HPCAL1: variants seen among roughly 807,000 people sequenced by gnomAD.
HPCAL1 encodes hippocalcin like 1, also known as hippocalcin-like protein 1.
Under a neutral mutation model 17.1 loss-of-function variants are expected in HPCAL1, and 8 were observed. The ratio of observed to expected loss-of-function variants is 0.47; its 90% CI spans 0.27 to 0.84. HPCAL1 has a LOEUF of 0.84. HPCAL1 is among the 40% of genes least tolerant of loss of function. The pLI, the probability that HPCAL1 is intolerant of heterozygous loss-of-function variation, is 0.13. For synonymous variants in HPCAL1, 112 were observed against 111.4 expected, an observed-to-expected ratio of 1.01 and a Z score of -0.03; for missense variants, 165 against 271.1, an observed-to-expected ratio of 0.61 and a Z score of 2.75.
In HPCAL1 at chr2:10,384,166, C is replaced by T. The variant is rs1668156469; in HGVS notation, c.-110-12669C>T. ...GGCAGACAAAAGAACAACCCCAGACCTCCTCCCTCAGGGTGGGGACAAGGT... is the reference window on the plus strand; with the variant it reads ...GGCAGACAAAAGAACAACCCCAGACTTCCTCCCTCAGGGTGGGGACAAGGT... On this transcript the variant is annotated intron_variant, in intron 1 of 4. Coordinates refer to ENST00000307845, the MANE Select transcript of HPCAL1 (RefSeq NM_002149.4). This position sits in a 1 kb window ranked among gnomAD's most constrained non-coding sequence, Gnocchi z 4.4. 1.3e-5 allele frequency among the ~76,000 whole-genome samples: 2 copies of T among 152,144 alleles called. No homozygotes were observed. Among genetic ancestry groups the T allele is most frequent in the African/African-American group, 4.8e-5 (2 of 41,420 alleles).
At position 10,304,231 on chromosome 2, in the gene HPCAL1, C is replaced by A. The variant is rs1167018722; in HGVS notation, c.-111+1054C>A. Among the ~76,000 whole-genome samples the A allele has an allele frequency of 6.6e-6, 1 of 152,074 alleles. No individual in the cohort carries two copies. Among genetic ancestry groups the A allele is most frequent in the Non-Finnish European group, 1.5e-5 (1 of 67,994 alleles). On this transcript the variant is annotated intron_variant, in intron 1 of 4. Coordinates refer to ENST00000307845, the MANE Select transcript of HPCAL1 (RefSeq NM_002149.4). This position sits in a 1 kb window ranked among gnomAD's most constrained non-coding sequence, Gnocchi z 4.1. ...GCAAGCGTGGGGGTCCCTCTCCTGGCCGGGAGGCAGCGACTGCGGAGTTGA... is the reference window on the plus strand; with the variant it reads ...GCAAGCGTGGGGGTCCCTCTCCTGGACGGGAGGCAGCGACTGCGGAGTTGA...
chr2:10,380,730 C>G (rs1349186202), intron 1 of HPCAL1, among the ~76,000 whole-genome samples: 1 of 152,156 alleles, frequency 6.6e-6, no homozygotes, highest in Admixed American at 6.5e-5. Context: ...GGAAGCCTTC[C>G]CAGATTCCAG....
intron 2 of HPCAL1, among the ~76,000 whole-genome samples, chr2:10,399,593 C>G (rs1269769777): frequency 7.0e-6 from 1 of 141,852 alleles, no homozygotes; most frequent in Non-Finnish European, 1.5e-5. Flanking sequence ...CCGCCACCGC[C>G]ACCACCACCA....
In HPCAL1 at chr2:10,331,127, A is replaced by G. The variant is rs996760429; in HGVS notation, c.-111+27950A>G. On this transcript the variant is annotated intron_variant, in intron 1 of 4. Coordinates refer to ENST00000307845, the MANE Select transcript of HPCAL1 (RefSeq NM_002149.4). This position sits in a 1 kb window ranked among gnomAD's most constrained non-coding sequence, Gnocchi z 5.0. ...TTCTCTAAGCCTTGCAAGTGACCGC[A>G]CCCTCTTACTGCATGCGGGCCTTGC... Among the ~76,000 whole-genome samples, 3 of 151,640 alleles carry G rather than the reference A, an allele frequency of 2.0e-5. No individual in the cohort carries two copies. Among genetic ancestry groups the G allele is most frequent in the African/African-American group, 7.3e-5 (3 of 41,210 alleles).
At chr2:10,318,478 G>A (rs562412748) in intron 1 of HPCAL1, among the ~76,000 whole-genome samples, 1 of 152,304 alleles carries the variant, frequency 6.6e-6, no homozygotes, top group East Asian at 1.9e-4. Context: ...TAACTGATGG[G>A]GTCCTCAAGT....
At chr2:10,351,388 C>CCTGGGG (rs1413420739) in intron 1 of HPCAL1, among the ~76,000 whole-genome samples, 4 of 152,120 alleles carry the variant, frequency 2.6e-5, no homozygotes, top group African/African-American at 9.7e-5. Context: ...TTAGTTGTTG[C>CCTGGGG]CTGGGGCTGG....
In HPCAL1 at chr2:10,339,391, C is replaced by T. The variant is rs112973959; in HGVS notation, c.-111+36214C>T. Among the ~76,000 whole-genome samples, 884 of 152,152 alleles carry T rather than the reference C, an allele frequency of 5.8e-3. 13 individuals carry two copies. The highest frequency in any genetic ancestry group is 0.02 in the African/African-American group (824 of 41,512). The stretch of plus-strand genomic sequence containing the variant: ...TGCGATCTCGGCTCACTGCAACCTC[C>T]GCCTCCCGGGTTTAAGCAATTCTCT... On this transcript the variant is annotated intron_variant, in intron 1 of 4. Coordinates refer to ENST00000307845, the MANE Select transcript of HPCAL1 (RefSeq NM_002149.4).
intron 2 of HPCAL1, among the ~76,000 whole-genome samples, chr2:10,398,680 C>T (rs1033092847): frequency 6.6e-6 from 1 of 152,066 alleles, no homozygotes; most frequent in Non-Finnish European, 1.5e-5. Flanking sequence ...CTGCCCGTCC[C>T]CTGCCCCGCC....
intron 1 of HPCAL1, among the ~76,000 whole-genome samples, chr2:10,385,051 T>G (rs1572775477): frequency 4.2e-5 from 6 of 142,794 alleles, no homozygotes; most frequent in African/African-American, 2.6e-5. Flanking sequence ...ACCCGGGAGG[T>G]GAAGGTTGCA....
At chr2:10,411,864 C>T (rs1338456953) in intron 2 of HPCAL1, among the ~76,000 whole-genome samples, 2 of 152,214 alleles carry the variant, frequency 1.3e-5, no homozygotes, top group Non-Finnish European at 1.5e-5. Flanking sequence ...GGGCAGACTT[C>T]CCTCAACTCA....
intron 2 of HPCAL1, among the ~76,000 whole-genome samples, chr2:10,409,785 T>C (rs988688080): frequency 1.1e-5 from 1 of 92,904 alleles, no homozygotes; most frequent in African/African-American, 3.8e-5. Flanking sequence ...GTCTTTTTTT[T>C]TTTTTTTTTT....
intron 1 of HPCAL1, among the ~76,000 whole-genome samples, chr2:10,380,101 G>C (rs534288330): frequency 1.3e-5 from 2 of 152,230 alleles, no homozygotes; most frequent in African/African-American, 4.8e-5. Context: ...GCGTCTCAGA[G>C]CTGCAGACTG....
intron 1 of HPCAL1, among the ~76,000 whole-genome samples, chr2:10,372,180 G>A (rs1046494540): frequency 3.3e-5 from 5 of 152,128 alleles, no homozygotes; most frequent in South Asian, 2.1e-4. Context: ...TTCCTCAATC[G>A]GGGCTAAAGA....
intron 2 of HPCAL1, among the ~76,000 whole-genome samples, chr2:10,403,320 C>A (rs1258401574): frequency 1.5e-5 from 2 of 135,982 alleles, no homozygotes; most frequent in African/African-American, 2.6e-5. Context: ...CCTCAGGGGC[C>A]ACACTGTCCA....
At chr2:10,409,777 CTTTTTTTTTTTTT>C (rs34031495) in intron 2 of HPCAL1, among the ~76,000 whole-genome samples, 6 of 62,524 alleles carry the variant, frequency 9.6e-5, no homozygotes, top group South Asian at 6.9e-4. Context: ...GAGCCTCAGT[CTTTTTTTTTTTTT>C]TTTTTTTTTT....
At chr2:10,346,892 G>C (rs1221967703) in intron 1 of HPCAL1, among the ~76,000 whole-genome samples, 1 of 130,434 alleles carries the variant, frequency 7.7e-6, no homozygotes, top group Non-Finnish European at 1.5e-5. Context: ...TCTAACTGGG[G>C]TCAGGACCAC....
chr2:10,318,435 C>T (rs747482460), intron 1 of HPCAL1, among the ~76,000 whole-genome samples: 2 of 152,226 alleles, frequency 1.3e-5, no homozygotes, highest in Admixed American at 1.3e-4. Flanking sequence ...ACTGCAGTCC[C>T]GGTGCCGGAC....
chr2:10,405,431 C>T (rs777195842), intron 2 of HPCAL1, among the ~76,000 whole-genome samples: 2 of 152,260 alleles, frequency 1.3e-5, no homozygotes, highest in Admixed American at 6.5e-5. Context: ...CCCTCCAGGG[C>T]GTGCTGGGTG....
chr2:10,345,623 A>AT (rs761135838), intron 1 of HPCAL1, among the ~76,000 whole-genome samples: 2 of 151,844 alleles, frequency 1.3e-5, no homozygotes, highest in Non-Finnish European at 2.9e-5. Context: ...CACCCAGCTA[A>AT]TTTTTGTATT....
Sources: gnomAD v4.1 joint callset for allele counts (sites outside exome capture counted in the v4.1 genomes callset) on GRCh38, gnomAD v4.1.1 for gene constraint, Gnocchi (gnomAD v3.1) non-coding constraint, MANE v1.5 for transcripts, NCBI Gene and HGNC (gene_info 2026-07-23, HGNC 2026-07-21) for gene names.